The following ADCK5 variants were observed in gnomAD, a reference collection of about 807,000 sequenced individuals.
The protein encoded by ADCK5 is aarF domain containing kinase 5.
A neutral mutation model predicts 64.9 loss-of-function variants in ADCK5; 43 were observed. The observed-to-expected ratio is 0.66, with a 90% CI of 0.52 to 0.85. The LOEUF (loss-of-function observed/expected upper bound fraction) is 0.85, where lower values mean the gene tolerates loss of function less well. ADCK5 is among the 40% of genes least tolerant of loss of function. The pLI is 0.00. For synonymous variants in ADCK5, 434 were observed against 342.8 expected, an observed-to-expected ratio of 1.27 and a Z score of -2.94; for missense variants, 760 against 810.5, an observed-to-expected ratio of 0.94 and a Z score of 0.76.
Position 144,391,202 on chromosome 8 carries a change from G to A in ADCK5, c.612G>A (p.Gln204=). The change falls in exon 6 of 15, where the codon CAG becomes CAA. Residue 204 remains glutamine, a synonymous_variant. Transcript: ENST00000308860. ...AGCTCTTCCAGGAGTTTGACTACCA[G>A]CCAATTGCTGCCGCCAGCCTGGCAC... The part of the protein sequence containing the change: ...PHELFQEFDY[Q]PIAAASLAQV... The A allele has an allele frequency of 6.2e-7, 1 of 1,612,536 alleles. No individual in the cohort carries two copies. The highest frequency in any genetic ancestry group is 1.1e-5 in the South Asian group (1 of 91,090).
At chr8:144,391,756 C>T in intron 8 of ADCK5, 27 bp from the exon 9 acceptor site, 1 of 1,539,638 alleles carries the variant, frequency 6.5e-7, no homozygotes, top group Non-Finnish European at 8.7e-7. Context: ...GCTGGGCCTG[C>T]TGAGCCCAGC....
chr8:144,392,105 A>T lies in ADCK5; in HGVS notation c.1110A>T (p.Lys370Asn). The T allele has an allele frequency of 6.2e-7, 1 of 1,606,384 alleles. No individual in the cohort carries two copies. The highest frequency in any genetic ancestry group is 8.5e-7 in the Non-Finnish European group (1 of 1,177,486). The change falls in exon 11 of 15, where the codon AAA becomes AAT. Residue 370 changes from lysine to asparagine, a missense_variant. Physicochemically the swap from Lys to Asn is moderately conservative, Grantham distance 94. This residue lies in a region of ADCK5 where 427 missense variants were observed against 518.4 expected (regional missense o/e 0.82). Transcript: ENST00000308860. Reference sequence around the variant, plus strand: ...CTGTATCCCTAGTTCTGGTGCGGAAAGGCCCGGACGGGAAAGCGGAGCTGG... The same window carrying T: ...CTGTATCCCTAGTTCTGGTGCGGAATGGCCCGGACGGGAAAGCGGAGCTGG... ...DPHPGNVLVRKGPDGKAELVL... is the reference protein window; with the variant it reads ...DPHPGNVLVRNGPDGKAELVL...
chr8:144,392,723 G>A, intron 13 of ADCK5, 26 bp downstream of exon 13: 1 of 1,589,670 alleles, frequency 6.3e-7, no homozygotes, highest in Middle Eastern at 1.7e-4. Context: ...AGGCGCCCGG[G>A]CCGTGGTGGG....
intron 2 of ADCK5, among the ~76,000 whole-genome samples, chr8:144,381,188 T>G (rs1554858147): frequency 3.8e-5 from 2 of 52,430 alleles, no homozygotes; most frequent in Non-Finnish European, 7.7e-5. Context: ...AGGCACCTGC[T>G]GCACTCAGGA....
In ADCK5 at chr8:144,375,583, C is replaced by G. The variant is rs1207574051; in HGVS notation, c.12+1476C>G. 5.1e-6 allele frequency: 5 copies of G among 985,364 alleles called. No individual in the cohort carries two copies. In the African/African-American group the frequency reaches 8.7e-5, roughly 17 times the overall value. 61.0% of individuals were successfully genotyped at this position (985,364 alleles called of 1,614,324 possible). ...GGAAAACCAGACACGATCGGACATGCATGTGGTTCTGCGGCCAAAGCACGC... is the reference window on the plus strand; with the variant it reads ...GGAAAACCAGACACGATCGGACATGGATGTGGTTCTGCGGCCAAAGCACGC... On this transcript the variant is annotated intron_variant, in intron 1 of 14. Coordinates refer to ENST00000308860, the MANE Select transcript of ADCK5 (RefSeq NM_174922.5).
chr8:144,391,137 G>A lies in ADCK5; in HGVS notation c.547G>A (p.Asp183Asn). ...CTCTGAGCACCTGTCCTTCCAGGTG[G>A]ATGAGTTGTTCCTTGAGGACTTCCA... ...RALKRGFQEV[D>N]ELFLEDFQAL... Residue 183 changes from aspartate to asparagine, a missense_variant, in exon 6 of 15, where the codon GAT becomes AAT. This residue lies in a region of ADCK5 where 427 missense variants were observed against 518.4 expected (regional missense o/e 0.82). Coordinates refer to ENST00000308860, the MANE Select transcript of ADCK5 (RefSeq NM_174922.5). 6.2e-7 allele frequency: 1 copy of A among 1,610,692 alleles called. No individual in the cohort carries two copies. Among genetic ancestry groups the A allele is most frequent in the Non-Finnish European group, 8.5e-7 (1 of 1,179,944 alleles).
At position 144,383,275 on chromosome 8, in the gene ADCK5, G is replaced by T. The variant is rs539604921; in HGVS notation, c.266+45G>T. On this transcript the variant is annotated intron_variant, in intron 3 of 14. Transcript: ENST00000308860. ...GGCAGGGGTTGCGGCGTGGCGGGCG[G>T]GGTGTGTGCGGTGCAGGATTGCCTG... 2.6e-6 allele frequency: 4 copies of T among 1,510,774 alleles called. No individual in the cohort carries two copies. In the Admixed American group the frequency reaches 8.4e-5, roughly 32 times the overall value. 93.6% of individuals were successfully genotyped at this position (1,510,774 alleles called of 1,614,324 possible).
intron 3 of ADCK5, among the ~76,000 whole-genome samples, chr8:144,390,332 T>C (rs1230527606): frequency 6.6e-6 from 1 of 152,230 alleles, no homozygotes; most frequent in Non-Finnish European, 1.5e-5. Flanking sequence ...TTTCAACATG[T>C]TGCCCAGGCC....
upstream of ADCK5, chr8:144,373,847 G>C (rs1350780200): frequency 5.3e-6 from 2 of 375,008 alleles, no homozygotes; most frequent in Non-Finnish European, 9.4e-6. Flanking sequence ...CCGAGGGCGG[G>C]ACTGGAACCC....
chr8:144,390,629 C>T lies in ADCK5; in HGVS notation c.267-42C>T, dbSNP rs201895535. On this transcript the variant is annotated intron_variant, in intron 3 of 14. Coordinates refer to ENST00000308860, the MANE Select transcript of ADCK5 (RefSeq NM_174922.5). ...ACAAGAGGACCAAGCACCGGGGCCC[C>T]GAGCCTGCCCCGCTGGAGACTGAGG... 102 of 1,600,982 alleles carry T rather than the reference C, an allele frequency of 6.4e-5. No homozygotes were observed. In the Admixed American group the frequency reaches 6.7e-4, roughly 10 times the overall value.
chr8:144,381,405 G>C (rs1198196536), intron 2 of ADCK5, among the ~76,000 whole-genome samples: 5 of 135,532 alleles, frequency 3.7e-5, no homozygotes, highest in African/African-American at 1.4e-4. Context: ...GGCACCTGCT[G>C]CACTCAGGAT....
chr8:144,390,605 C>A, intron 3 of ADCK5, 66 bp from the exon 4 acceptor site: 1 of 1,506,252 alleles, frequency 6.6e-7, no homozygotes, highest in Non-Finnish European at 9.1e-7. Flanking sequence ...AGGGCTCTGA[C>A]AAGAGGACCA....
chr8:144,379,570 G>A (rs1379096147), intron 2 of ADCK5, 80 bp downstream of exon 2: 12 of 1,213,198 alleles, frequency 9.9e-6, no homozygotes, highest in Admixed American at 2.4e-5. Context: ...GGTGGCAGTC[G>A]AGGGCCCAAG....
At chr8:144,379,247 G>A (rs34253113) in intron 1 of ADCK5, 140 bp from the exon 2 acceptor site, 2 of 537,770 alleles carry the variant, frequency 3.7e-6, no homozygotes, top group Non-Finnish European at 6.4e-6. Flanking sequence ...TAGTTCTTTA[G>A]AGCAGTGTGA....
chr8:144,381,086 A>C (rs2116846602), intron 2 of ADCK5, among the ~76,000 whole-genome samples: 879 of 72,980 alleles, frequency 0.012, no homozygotes, highest in Middle Eastern at 0.024. Context: ...CTGCTGCACT[A>C]AGGATTATGG....
rs782014013 is a variant in ADCK5 at position 144,390,753 on chromosome 8, C to A, written c.342+7C>A. 6.2e-7 allele frequency: 1 copy of A among 1,613,298 alleles called. No homozygotes were observed. Among genetic ancestry groups the A allele is most frequent in the Non-Finnish European group, 8.5e-7 (1 of 1,179,600 alleles). ...CCTTCGAGGGGTGGAAGAGGTTTGT[C>A]CTGGTGCCCTGGGCACACAGTGGTG... On this transcript the variant is annotated splice_region_variant and intron_variant, in intron 4 of 14. Transcript: ENST00000308860.
chr8:144,392,479 C>T lies in ADCK5; in HGVS notation c.1302C>T (p.Arg434=). 6.6e-7 allele frequency: 1 copy of T among 1,525,858 alleles called. No individual in the cohort carries two copies. The highest frequency in any genetic ancestry group is 8.8e-7 in the Non-Finnish European group (1 of 1,139,196). The allele number at this position is 1,525,858 out of a possible 1,614,324, so 94.5% of individuals were successfully genotyped here. The change falls in exon 13 of 15, where the codon CGC becomes CGT. Residue 434 remains arginine (R), a synonymous_variant. Coordinates refer to ENST00000308860, the MANE Select transcript of ADCK5 (RefSeq NM_174922.5). ...YLLFAEMLMQ[R]PVRLGQLWGS... Reference sequence around the variant, plus strand: ...TGTTCGCCGAGATGCTCATGCAGCGCCCCGTGCGCCTGGGGCAGCTGTGGG... The same window carrying T: ...TGTTCGCCGAGATGCTCATGCAGCGTCCCGTGCGCCTGGGGCAGCTGTGGG...
chr8:144,382,062 A>T (rs1267281559), intron 2 of ADCK5, among the ~76,000 whole-genome samples: 15 of 134,568 alleles, frequency 1.1e-4, no homozygotes, highest in Admixed American at 7.0e-5. Flanking sequence ...TGCACTCAGG[A>T]TTATGGGCCG....
intron 5 of ADCK5, 25 bp from the exon 6 acceptor site, chr8:144,391,109 C>T (rs1820201224): frequency 6.2e-7 from 1 of 1,610,406 alleles, no homozygotes; most frequent in East Asian, 2.2e-5. Context: ...TGGCCCCAGG[C>T]TGCTCTGAGC....
Sources: gnomAD v4.1 joint callset for allele counts (sites outside exome capture counted in the v4.1 genomes callset) on GRCh38, gnomAD v4.1.1 for gene constraint, gnomAD v4.1.1 regional missense constraint, MANE v1.5 for transcripts, NCBI Gene and HGNC (gene_info 2026-07-23, HGNC 2026-07-21) for gene names.